MYO16: variants seen among roughly 807,000 people sequenced by gnomAD.
The protein encoded by MYO16 is unconventional myosin-XVI.
In MYO16, 94 loss-of-function variants were observed where a neutral mutation model predicts 205.3. The ratio of observed to expected loss-of-function variants is 0.46; its 90% CI spans 0.39 to 0.54. The LOEUF is 0.54. MYO16 is among the 20% of genes least tolerant of loss of function. The pLI, the probability that MYO16 is intolerant of heterozygous loss-of-function variation, is 0.00. For synonymous variants in MYO16, 988 were observed against 954.0 expected (o/e 1.04, Z -0.66); for missense variants, 2,315 against 2,387.5 (o/e 0.97, Z 0.63).
the MYO16 span, among the ~76,000 whole-genome samples, chr13:108,565,895 G>A: frequency 2.0e-5 from 3 of 147,224 alleles, no homozygotes; most frequent in African/African-American, 4.9e-5. Context: ...ATGAAGGGAC[G>A]TGGAACTTTA....
intron 34 of MYO16, among the ~76,000 whole-genome samples, chr13:109,186,084 TG>T (rs1879674833): frequency 6.6e-6 from 1 of 152,158 alleles, no homozygotes. Context: ...GAGGATCACT[TG>T]AGCTCAGGAG....
intron 15 of MYO16, among the ~76,000 whole-genome samples, chr13:108,900,774 A>G (rs1880669489): frequency 6.6e-6 from 1 of 152,352 alleles, no homozygotes. Flanking sequence ...CCTTGAAAAA[A>G]GAACAGGATA....
chr13:109,179,303 T>A lies in MYO16; in HGVS notation c.5324-239T>A, dbSNP rs1212736042. On this transcript the variant is annotated intron_variant, in intron 33 of 34. Coordinates refer to ENST00000457511, the MANE Select transcript of MYO16 (RefSeq NM_001198950.3). ...CTCACTTTTGTGCTATTATCACATA[T>A]CTCCTTATTATCATTGTATCTCCTT... Among the ~76,000 whole-genome samples the A allele has an allele frequency of 2.0e-5, 3 of 152,338 alleles. No homozygotes were observed. The East Asian group carries it at 5.8e-4, about 29-fold the overall frequency.
At chr13:108,777,302 A>G (rs1886153920) in intron 4 of MYO16, among the ~76,000 whole-genome samples, 1 of 152,192 alleles carries the variant, frequency 6.6e-6, no homozygotes, top group Admixed American at 6.5e-5. Context: ...CAAAGAAGGT[A>G]GTTTGAATAG....
At chr13:108,744,145 C>T (rs1443093340) in intron 4 of MYO16, among the ~76,000 whole-genome samples, 1 of 152,216 alleles carries the variant, frequency 6.6e-6, no homozygotes, top group Non-Finnish European at 1.5e-5. Context: ...ATATCTTTCT[C>T]ATCAGTTGAT....
intron 1 of MYO16, among the ~76,000 whole-genome samples, chr13:108,602,233 C>T (rs1306376795): frequency 6.6e-6 from 1 of 152,014 alleles, no homozygotes; most frequent in Admixed American, 6.6e-5. Context: ...AGCCATGTGG[C>T]CTCAGGCATT....
intron 12 of MYO16, among the ~76,000 whole-genome samples, chr13:108,880,222 T>C (rs1879543604): frequency 6.6e-6 from 1 of 152,222 alleles, no homozygotes; most frequent in African/African-American, 2.4e-5. Flanking sequence ...TGATTTTTTC[T>C]TGTAAATTTG....
Position 109,055,453 on chromosome 13 carries a change from A to G in MYO16, c.3193A>G (p.Arg1065Gly). The G allele has an allele frequency of 6.2e-7, 1 of 1,613,214 alleles. No individual in the cohort carries two copies. Among genetic ancestry groups the G allele is most frequent in the Non-Finnish European group, 8.5e-7 (1 of 1,179,486 alleles). Reference protein sequence around the residue: ...KCTPHFIHCIRPNNSKLPDTF... With the variant: ...KCTPHFIHCIGPNNSKLPDTF... The stretch of plus-strand genomic sequence containing the variant: ...CACTCCACACTTCATTCATTGCATC[A>G]GGCCCAATAACTCAAAGCTGCCAGA... Residue 1065 changes from arginine to glycine, a missense_variant, in exon 27 of 35, where the codon AGG becomes GGG. By Grantham distance (125) the Arg-to-Gly change is moderately radical. Transcript: ENST00000457511. The surrounding 1 kb of genome is among the most constrained non-coding windows in gnomAD (Gnocchi z 5.0).
chr13:109,075,310 C>CTCCTG (rs1234496258), intron 27 of MYO16, among the ~76,000 whole-genome samples: 1 of 101,478 alleles, frequency 9.9e-6, no homozygotes, highest in Non-Finnish European at 2.2e-5. Flanking sequence ...GTCTTCCCGT[C>CTCCTG]TCCTGTCCAA....
intron 16 of MYO16, among the ~76,000 whole-genome samples, chr13:108,919,208 G>A (rs948065229): frequency 9.9e-5 from 15 of 152,208 alleles, no homozygotes; most frequent in African/African-American, 3.4e-4. Flanking sequence ...TCCTGAGGCA[G>A]GGCAGGTGCT....
chr13:108,619,608 A>G (rs1394748419), intron 1 of MYO16, among the ~76,000 whole-genome samples: 1 of 152,172 alleles, frequency 6.6e-6, no homozygotes, highest in Non-Finnish European at 1.5e-5. Flanking sequence ...ATGTAGCATC[A>G]GGAGGTATCA....
intron 24 of MYO16, among the ~76,000 whole-genome samples, chr13:109,049,925 CCTGTGTGT>C (rs896934494): frequency 4.4e-5 from 5 of 113,334 alleles, no homozygotes; most frequent in South Asian, 5.9e-4. Flanking sequence ...CTTCCTTTGT[CCTGTGTGT>C]GTGTGTGTGT....
chr13:108,731,926 C>T (rs976225995), intron 4 of MYO16, among the ~76,000 whole-genome samples: 11 of 151,974 alleles, frequency 7.2e-5, no homozygotes, highest in African/African-American at 2.7e-4. Flanking sequence ...TCAAATGAAC[C>T]CCTGGGAAAT....
chr13:108,660,740 G>GC (rs1881467263), intron 1 of MYO16, among the ~76,000 whole-genome samples: 1 of 152,164 alleles, frequency 6.6e-6, no homozygotes, highest in Non-Finnish European at 1.5e-5. Context: ...GTAGTTCTGT[G>GC]TCTTTTAAGT....
chr13:108,737,210 T>C (rs573722527), intron 4 of MYO16, among the ~76,000 whole-genome samples: 1 of 152,346 alleles, frequency 6.6e-6, no homozygotes, highest in African/African-American at 2.4e-5. Context: ...ATCCCTGTCT[T>C]GTGCCAGTTT....
chr13:108,566,045 T>C, the MYO16 span, among the ~76,000 whole-genome samples: 1 of 152,156 alleles, frequency 6.6e-6, no homozygotes, highest in East Asian at 1.9e-4. Flanking sequence ...ACTGGCTTCA[T>C]AGAATGAGTT....
the MYO16 span, among the ~76,000 whole-genome samples, chr13:108,575,884 G>C: frequency 6.6e-6 from 1 of 152,030 alleles, no homozygotes; most frequent in Admixed American, 6.6e-5. Flanking sequence ...TTTCCAGCAG[G>C]TGAATGGATA....
At chr13:108,840,512 A>C (rs1877188986) in intron 9 of MYO16, among the ~76,000 whole-genome samples, 1 of 152,176 alleles carries the variant, frequency 6.6e-6, no homozygotes, top group Non-Finnish European at 1.5e-5. Flanking sequence ...ATAAATGGAA[A>C]TTGGAATTTT....
intron 23 of MYO16, among the ~76,000 whole-genome samples, chr13:109,034,903 G>A (rs940067424): frequency 6.6e-6 from 1 of 152,124 alleles, no homozygotes; most frequent in South Asian, 2.1e-4. Context: ...AGTGGCCAGA[G>A]ATCAAAACTC....
Sources: gnomAD v4.1 joint callset for allele counts (sites outside exome capture counted in the v4.1 genomes callset) on GRCh38, gnomAD v4.1.1 for gene constraint, Gnocchi (gnomAD v3.1) non-coding constraint, MANE v1.5 for transcripts, NCBI Gene and HGNC (gene_info 2026-07-23, HGNC 2026-07-21) for gene names.